The following CEP63 variants were observed in gnomAD, a reference collection of about 807,000 sequenced individuals.
CEP63 encodes centrosomal protein of 63 kDa.
A neutral mutation model predicts 89.1 loss-of-function variants in CEP63; 84 were observed. The observed-to-expected ratio is 0.94, with a 90% CI of 0.79 to 1.13. The LOEUF (loss-of-function observed/expected upper bound fraction) is 1.13. Among genes scored for constraint, CEP63 ranks in the 50% most tolerant of loss-of-function variants. The probability of loss-of-function intolerance (pLI) is 0.00; values close to 1 mark genes in which losing one functional copy is unlikely to be tolerated. For synonymous variants in CEP63, 267 were observed against 272.5 expected, an observed-to-expected ratio of 0.98 and a Z score of 0.20; for missense variants, 838 against 813.3, an observed-to-expected ratio of 1.03 and a Z score of -0.37.
chr3:134,485,894 G>A, upstream of CEP63: 1 of 717,748 alleles, frequency 1.4e-6, no homozygotes. Context: ...CCGACACTGA[G>A]CAACGAACGC....
chr3:134,601,392 A>G, the CEP63 span, among the ~76,000 whole-genome samples: 1 of 152,208 alleles, frequency 6.6e-6, no homozygotes, highest in Admixed American at 6.5e-5. Flanking sequence ...TATATTGCAT[A>G]TCGAAAAGGT....
chr3:134,507,750 A>T (rs1288903666), intron 3 of CEP63, among the ~76,000 whole-genome samples: 4 of 152,230 alleles, frequency 2.6e-5, no homozygotes, highest in African/African-American at 9.6e-5. Context: ...ACCATGTTGA[A>T]AATTAGAGGA....
chr3:134,573,630 A>G (rs1958106544), intron 11 of CEP63, among the ~76,000 whole-genome samples: 1 of 152,090 alleles, frequency 6.6e-6, no homozygotes, highest in African/African-American at 2.4e-5. Context: ...TTGCACCTGT[A>G]CCATGCTGTT....
the CEP63 span, among the ~76,000 whole-genome samples, chr3:134,756,265 C>T: frequency 6.6e-6 from 1 of 152,148 alleles, no homozygotes. Flanking sequence ...CCCGAAGGGA[C>T]TCCCCATAGA....
chr3:134,542,245 A>G (rs553907984), intron 6 of CEP63, among the ~76,000 whole-genome samples: 3 of 152,142 alleles, frequency 2.0e-5, no homozygotes, highest in Non-Finnish European at 4.4e-5. Flanking sequence ...ATTTATACGT[A>G]TATATGTTGT....
chr3:134,778,839 C>T, the CEP63 span, among the ~76,000 whole-genome samples: 2 of 152,168 alleles, frequency 1.3e-5, no homozygotes, highest in South Asian at 2.1e-4. Context: ...GGATTACAGG[C>T]GTGAGCCACC....
At chr3:134,551,738 TATATATATATATATATAC>T (rs1208742323) in intron 11 of CEP63, among the ~76,000 whole-genome samples, 170 bp from the exon 12 acceptor site, 2,415 of 72,976 alleles carry the variant, frequency 0.033, 56 homozygotes, top group African/African-American at 0.087. Flanking sequence ...TATATATATA[TATATATATATATATATAC>T]ACACACACAC....
chr3:134,653,764 G>A, the CEP63 span, among the ~76,000 whole-genome samples: 2 of 152,076 alleles, frequency 1.3e-5, no homozygotes, highest in Non-Finnish European at 2.9e-5. Context: ...CACAATCAAC[G>A]GGACAAATAA....
chr3:134,700,357 C>A, the CEP63 span, among the ~76,000 whole-genome samples: 2 of 152,106 alleles, frequency 1.3e-5, no homozygotes, highest in Non-Finnish European at 2.9e-5. Context: ...CACACAGCAG[C>A]CAGAAATTCA....
At chr3:134,762,663 G>C in the CEP63 span, among the ~76,000 whole-genome samples, 1 of 152,132 alleles carries the variant, frequency 6.6e-6, no homozygotes, top group Non-Finnish European at 1.5e-5. Flanking sequence ...AAGGAGAGAG[G>C]CCTGAAACAG....
At chr3:134,778,899 A>G in the CEP63 span, among the ~76,000 whole-genome samples, 2 of 152,158 alleles carry the variant, frequency 1.3e-5, no homozygotes, top group Non-Finnish European at 2.9e-5. Context: ...ACACCTTTGC[A>G]CACTGTCTTC....
chr3:134,730,936 A>G, the CEP63 span, among the ~76,000 whole-genome samples: 1 of 152,186 alleles, frequency 6.6e-6, no homozygotes, highest in South Asian at 2.1e-4. Context: ...GGTAAAAAAT[A>G]AAAGAATGGA....
At position 134,558,360 on chromosome 3, in the gene CEP63, A is replaced by T. The variant is rs201623967; in HGVS notation, c.1673+13A>T. 2.2e-6 allele frequency: 3 copies of T among 1,373,560 alleles called. No homozygotes were observed. The highest frequency in any genetic ancestry group is 3.1e-6 in the Non-Finnish European group (3 of 968,724). The allele number at this position is 1,373,560 out of a possible 1,614,324, so 85.1% of individuals were successfully genotyped here. A position where few individuals can be genotyped will look rare whatever the true frequency, so the allele number is the denominator to read the frequency against. On this transcript the variant is annotated intron_variant, in intron 13 of 14. Coordinates refer to ENST00000675561, the MANE Select transcript of CEP63 (RefSeq NM_001353108.3). ...ATACAGAGTTCAAGTAAAATTTTTTAAAAGTTTATTTAAAATGTGTATTGG... is the reference window on the plus strand; with the variant it reads ...ATACAGAGTTCAAGTAAAATTTTTTTAAAGTTTATTTAAAATGTGTATTGG...
the CEP63 span, among the ~76,000 whole-genome samples, chr3:134,695,781 A>G: frequency 6.6e-6 from 1 of 152,202 alleles, no homozygotes; most frequent in Non-Finnish European, 1.5e-5. Flanking sequence ...CAAGCAACCG[A>G]GGTCTCCTTC....
At chr3:134,701,651 C>T in the CEP63 span, among the ~76,000 whole-genome samples, 1 of 151,896 alleles carries the variant, frequency 6.6e-6, no homozygotes, top group Non-Finnish European at 1.5e-5. Context: ...GAAGCATTCC[C>T]CTTGAAAAAT....
At chr3:134,518,610 A>G (rs561046678) in intron 3 of CEP63, among the ~76,000 whole-genome samples, 63 of 152,366 alleles carry the variant, frequency 4.1e-4, no homozygotes, top group Non-Finnish European at 2.6e-4. Flanking sequence ...TATGGTACGT[A>G]TCAAAACTTG....
chr3:134,597,334 G>A, the CEP63 span, among the ~76,000 whole-genome samples: 8 of 152,286 alleles, frequency 5.3e-5, no homozygotes, highest in Middle Eastern at 3.4e-3. Flanking sequence ...TGTAGAGGCC[G>A]CTGTCCCTTC....
the CEP63 span, among the ~76,000 whole-genome samples, chr3:134,681,430 G>T: frequency 3.9e-5 from 6 of 152,136 alleles, no homozygotes. Flanking sequence ...CCATAAGGAG[G>T]CATCGTGCAG....
At chr3:134,510,213 A>C (rs1944511719) in intron 3 of CEP63, among the ~76,000 whole-genome samples, 1 of 152,260 alleles carries the variant, frequency 6.6e-6, no homozygotes, top group South Asian at 2.1e-4. Flanking sequence ...TTTTCACTTA[A>C]AAGAGCTGTA....
Sources: allele counts gnomAD v4.1 joint callset (sites outside exome capture counted in the v4.1 genomes callset), GRCh38; gene constraint gnomAD v4.1.1; transcripts MANE v1.5; gene names NCBI Gene and HGNC (gene_info 2026-07-23, HGNC 2026-07-21).